The following GOLT1B variants were observed in gnomAD, a reference collection of about 807,000 sequenced individuals.
GOLT1B encodes the protein vesicle transport protein GOT1B.
GOLT1B carries 3 observed loss-of-function variants against 15.4 expected under a neutral mutation model. That is an observed-to-expected ratio of 0.19 (90% CI 0.09 to 0.50). GOLT1B has a LOEUF of 0.50. GOLT1B is among the 20% of genes least tolerant of loss of function. GOLT1B has a pLI of 0.97. For missense variants in GOLT1B, 145 were observed against 160.4 expected (o/e 0.90, Z 0.52); for synonymous variants, 65 against 56.2 (o/e 1.16, Z -0.70).
chr12:21,513,794 TCAAA>T (rs927884344), intron 4 of GOLT1B, among the ~76,000 whole-genome samples: 2 of 151,978 alleles, frequency 1.3e-5, no homozygotes, highest in Non-Finnish European at 2.9e-5. Flanking sequence ...AAACCTTGTC[TCAAA>T]CAAAAAAGAA....
intron 4 of GOLT1B, 76 bp downstream of exon 4, chr12:21,512,452 G>T: frequency 1.3e-6 from 1 of 777,156 alleles, no homozygotes; most frequent in South Asian, 1.5e-5. Flanking sequence ...TTGAGTAATT[G>T]ATACTTGGTT....
chr12:21,506,995 A>AT lies in GOLT1B; in HGVS notation c.117+23dup. On this transcript the variant is annotated intron_variant, in intron 2 of 4. Coordinates refer to ENST00000229314, the MANE Select transcript of GOLT1B (RefSeq NM_016072.5). ...TGGAAATGTGAGTTTTTAAATATAT[A>AT]TTTTAACTAAATTTATAAGGAAATT... 1.1e-6 allele frequency: 1 copy of AT among 941,808 alleles called. No homozygotes were observed. Among genetic ancestry groups the AT allele is most frequent in the Non-Finnish European group, 1.7e-6 (1 of 589,906 alleles). 58.3% of individuals were successfully genotyped at this position (941,808 alleles called of 1,614,324 possible).
At chr12:21,514,992 T>TA (rs35343568) in intron 4 of GOLT1B, among the ~76,000 whole-genome samples, 185 of 142,926 alleles carry the variant, frequency 1.3e-3, no homozygotes, top group African/African-American at 3.5e-3. Flanking sequence ...TCTGGAATGT[T>TA]AAAAAAAAAA....
intron 1 of GOLT1B, among the ~76,000 whole-genome samples, chr12:21,504,059 A>T (rs1181140118): frequency 6.6e-6 from 1 of 152,230 alleles, no homozygotes; most frequent in African/African-American, 2.4e-5. Flanking sequence ...TGCTGCTTTT[A>T]AAAAATTGTG....
rs2136812081 is a variant in GOLT1B at position 21,515,858 on chromosome 12, A to G, written c.*151A>G. The G allele has an allele frequency of 6.0e-6, 3 of 496,852 alleles. No individual in the cohort carries two copies. The highest frequency in any genetic ancestry group is 1.0e-3 in the Middle Eastern group (2 of 1,954). The allele number at this position is 496,852 out of a possible 1,614,324, so 30.8% of individuals were successfully genotyped here. ...ATAGCCTACAAAGTACCAGCAGCAA[A>G]TTAGCAAAGAAGCAGTGAAAACAGG... On this transcript the variant is annotated 3_prime_UTR_variant, in exon 5 of 5. Coordinates refer to ENST00000229314, the MANE Select transcript of GOLT1B (RefSeq NM_016072.5).
At chr12:21,505,817 T>A (rs1440918267) in intron 1 of GOLT1B, among the ~76,000 whole-genome samples, 1 of 152,132 alleles carries the variant, frequency 6.6e-6, no homozygotes, top group East Asian at 1.9e-4. Flanking sequence ...GTATGCAGAT[T>A]GTGCTTCTAA....
chr12:21,511,919 C>G (rs755581109), intron 3 of GOLT1B, among the ~76,000 whole-genome samples: 3 of 152,168 alleles, frequency 2.0e-5, no homozygotes, highest in African/African-American at 7.2e-5. Context: ...CAGGTAGTCT[C>G]TTAGTGTTAA....
At chr12:21,502,007 T>A (rs1174735398) in intron 1 of GOLT1B, 59 bp downstream of exon 1, 2 of 1,239,772 alleles carry the variant, frequency 1.6e-6, no homozygotes, top group Non-Finnish European at 2.4e-6. Context: ...CCCGGCTGGG[T>A]CTCGCCCCTC....
Position 21,515,758 on chromosome 12 carries a change from C to A in GOLT1B, c.*51C>A. On this transcript the variant is annotated 3_prime_UTR_variant, in exon 5 of 5. Coordinates refer to ENST00000229314, the MANE Select transcript of GOLT1B (RefSeq NM_016072.5). ...TAAAATATTGTGTTATTTATAAAGT[C>A]ATTTGAAGAATATTCAGCACAAAAT... 1 of 825,142 alleles carries A rather than the reference C, an allele frequency of 1.2e-6. No homozygotes were observed. Among genetic ancestry groups the A allele is most frequent in the South Asian group, 1.5e-5 (1 of 65,466 alleles). The allele number at this position is 825,142 out of a possible 1,614,324, so 51.1% of individuals were successfully genotyped here.
At chr12:21,515,202 A>C (rs772024523) in intron 4 of GOLT1B, 2 of 1,177,078 alleles carry the variant, frequency 1.7e-6, no homozygotes, top group Non-Finnish European at 2.4e-6. Flanking sequence ...GTTGTTAACT[A>C]TTGAACTTAA....
intron 3 of GOLT1B, 41 bp downstream of exon 3, chr12:21,508,602 A>C (rs1234588463): frequency 3.1e-6 from 3 of 960,172 alleles, no homozygotes; most frequent in Non-Finnish European, 4.9e-6. Flanking sequence ...TCAGTGTGTC[A>C]GATAGTTAGT....
At chr12:21,504,503 A>G (rs1033889698) in intron 1 of GOLT1B, 10 of 477,738 alleles carry the variant, frequency 2.1e-5, no homozygotes, top group Admixed American at 1.5e-4. Context: ...GTAGTGGAAT[A>G]TTTTGGTTCC....
intron 3 of GOLT1B, among the ~76,000 whole-genome samples, chr12:21,510,779 GCTTT>G (rs927094775): frequency 6.6e-6 from 1 of 152,070 alleles, no homozygotes; most frequent in Non-Finnish European, 1.5e-5. Context: ...TAAAAATTCT[GCTTT>G]CTGTTTAATT....
intron 2 of GOLT1B, chr12:21,508,029 C>T: frequency 2.3e-6 from 1 of 440,444 alleles, no homozygotes. Context: ...CCTCTTTATG[C>T]CTTGCCAACT....
rs1468949288 is a variant in GOLT1B at position 21,501,818 on chromosome 12, C to G, written c.-106C>G. On this transcript the variant is annotated 5_prime_UTR_variant, in exon 1 of 5. Coordinates refer to ENST00000229314, the MANE Select transcript of GOLT1B (RefSeq NM_016072.5). ...AGGGTGGCTGCGTGTTTCCGGAAGA[C>G]GTGGCGGCTCTCGCCTGGGCTGTTT... The G allele has an allele frequency of 9.0e-6, 7 of 779,070 alleles. No individual in the cohort carries two copies. The South Asian group carries it at 1.0e-4, about 11-fold the overall frequency. The allele number at this position is 779,070 out of a possible 1,614,324, so 48.3% of individuals were successfully genotyped here.
chr12:21,508,598 T>A (rs775525196), intron 3 of GOLT1B, 37 bp downstream of exon 3: 1 of 990,890 alleles, frequency 1.0e-6, no homozygotes, highest in South Asian at 1.4e-5. Context: ...TAAATCAGTG[T>A]GTCAGATAGT....
chr12:21,501,839 T>A lies in GOLT1B; in HGVS notation c.-85T>A. On this transcript the variant is annotated 5_prime_UTR_variant, in exon 1 of 5. Coordinates refer to ENST00000229314, the MANE Select transcript of GOLT1B (RefSeq NM_016072.5). ...AAGACGTGGCGGCTCTCGCCTGGGC[T>A]GTTTCCCGGCTTCATTTCTCCCGAC... The A allele has an allele frequency of 3.2e-6, 3 of 937,764 alleles. No individual in the cohort carries two copies. Among genetic ancestry groups the A allele is most frequent in the Non-Finnish European group, 5.2e-6 (3 of 576,470 alleles). The allele number at this position is 937,764 out of a possible 1,614,324, so 58.1% of individuals were successfully genotyped here.
At chr12:21,511,814 C>T (rs966701766) in intron 3 of GOLT1B, among the ~76,000 whole-genome samples, 18 of 152,316 alleles carry the variant, frequency 1.2e-4, no homozygotes, top group Non-Finnish European at 2.1e-4. Context: ...AACTGATCTA[C>T]TGTCAATTTT....
intron 2 of GOLT1B, 114 bp downstream of exon 2, chr12:21,507,090 T>A (rs1398497498): frequency 3.0e-6 from 2 of 676,788 alleles, no homozygotes; most frequent in South Asian, 1.6e-5. Flanking sequence ...CATAAGTAAT[T>A]CCTGTTACAT....
Sources: gnomAD v4.1 joint callset for allele counts (sites outside exome capture counted in the v4.1 genomes callset) on GRCh38, gnomAD v4.1.1 for gene constraint, MANE v1.5 for transcripts, NCBI Gene and HGNC (gene_info 2026-07-23, HGNC 2026-07-21) for gene names.